EIPR1: variants seen among roughly 807,000 people sequenced by gnomAD.
The protein encoded by EIPR1 is EARP complex and GARP complex interacting protein 1.
EIPR1 carries 25 observed loss-of-function variants against 48.1 expected under a neutral mutation model. That is an observed-to-expected ratio of 0.52 (90% CI 0.38 to 0.73). The LOEUF is 0.73. Ranked by LOEUF, EIPR1 falls within the 30% of genes least tolerant of loss-of-function variation. The pLI is 0.00. For missense variants in EIPR1, 415 were observed against 506.2 expected (o/e 0.82, Z 1.73); for synonymous variants, 204 against 201.9 (o/e 1.01, Z -0.09).
intron 5 of EIPR1, among the ~76,000 whole-genome samples, chr2:3,200,935 G>A (rs1015337666): frequency 3.3e-5 from 5 of 152,208 alleles, no homozygotes; most frequent in African/African-American, 9.6e-5. Context: ...GGAGGTGGCA[G>A]GGCCTGGGCA....
intron 3 of EIPR1, among the ~76,000 whole-genome samples, chr2:3,264,575 AACTG>A (rs1667430423): frequency 6.6e-6 from 1 of 152,238 alleles, no homozygotes; most frequent in African/African-American, 2.4e-5. Flanking sequence ...GAAAAAAGGG[AACTG>A]CAGTGGGTAG....
intron 4 of EIPR1, among the ~76,000 whole-genome samples, chr2:3,223,824 G>A (rs1665975042): frequency 6.6e-6 from 1 of 152,046 alleles, no homozygotes; most frequent in Non-Finnish European, 1.5e-5. Flanking sequence ...TGTGGACAAA[G>A]CCAGAACCAA....
rs2103400220 is a variant in EIPR1 at position 3,377,664 on chromosome 2, T to C, written c.26A>G (p.Tyr9Cys). Residue 9 changes from tyrosine (Y) to cysteine (C), a missense_variant, in exon 1 of 9, where the codon TAC becomes TGC. Tyr to Cys is a radical substitution (Grantham distance 194). Transcript: ENST00000382125. ...GTGACCCACCTGGAACTCCAGCCCGTAGATCACTGGTGCATCGTCCTCCAT... is the reference window on the plus strand; with the variant it reads ...GTGACCCACCTGGAACTCCAGCCCGCAGATCACTGGTGCATCGTCCTCCAT... MEDDAPVIYGLEFQARALT... is the reference protein window; with the variant it reads MEDDAPVICGLEFQARALT... 6.3e-7 allele frequency: 1 copy of C among 1,580,826 alleles called. No individual in the cohort carries two copies. The highest frequency in any genetic ancestry group is 8.6e-7 in the Non-Finnish European group (1 of 1,162,860).
At chr2:3,230,151 A>T (rs200435183) in intron 4 of EIPR1, among the ~76,000 whole-genome samples, 5 of 151,058 alleles carry the variant, frequency 3.3e-5, no homozygotes, top group Admixed American at 3.3e-4. Flanking sequence ...TGAAAATTTT[A>T]TTTTTTTTTA....
At chr2:3,343,513 A>G (rs531065266) in intron 2 of EIPR1, among the ~76,000 whole-genome samples, 48 of 152,290 alleles carry the variant, frequency 3.2e-4, no homozygotes, top group African/African-American at 1.1e-3. Context: ...TTCAAGCCAC[A>G]TTGGATTTTT....
chr2:3,377,016 TC>T (rs1659905786), intron 1 of EIPR1, among the ~76,000 whole-genome samples: 1 of 152,224 alleles, frequency 6.6e-6, no homozygotes. Context: ...GGGGGCTCAT[TC>T]GGTTCATAGT....
intron 2 of EIPR1, chr2:3,353,417 T>G: frequency 9.5e-6 from 4 of 419,118 alleles, no homozygotes; most frequent in Non-Finnish European, 1.9e-5. Flanking sequence ...CATCTAACGA[T>G]TCTTAAGTTG....
intron 3 of EIPR1, among the ~76,000 whole-genome samples, chr2:3,336,566 G>A (rs1032567656): frequency 2.6e-5 from 4 of 152,096 alleles, no homozygotes; most frequent in African/African-American, 7.2e-5. Context: ...TCAAAAGTTC[G>A]AGACCAGCCT....
intron 1 of EIPR1, chr2:3,377,227 AAAG>A (rs1421084938): frequency 9.3e-5 from 16 of 172,146 alleles, no homozygotes; most frequent in Admixed American, 1.9e-4. Flanking sequence ...GGTGGAGGGT[AAAG>A]AAGAACTTTC....
intron 3 of EIPR1, chr2:3,318,744 C>T (rs929061007): frequency 1.4e-5 from 6 of 424,798 alleles, no homozygotes; most frequent in Middle Eastern, 5.9e-4. Flanking sequence ...CCTCACACAC[C>T]GTTCCAAACT....
At chr2:3,257,947 C>A (rs1667213017) in intron 3 of EIPR1, among the ~76,000 whole-genome samples, 3 of 152,178 alleles carry the variant, frequency 2.0e-5, no homozygotes, top group African/African-American at 7.2e-5. Context: ...CTCAGTTTAC[C>A]TAAAGTGATG....
Position 3,297,827 on chromosome 2 carries a change from T to C in EIPR1, c.259+40190A>G, listed in dbSNP as rs560802018. ...AAAAGCTTTGTCTTGCTTCTTTTTT[T>C]GTTCGTTTGTTTGAGATGGAGTCTC... On this transcript the variant is annotated intron_variant, in intron 3 of 8. Transcript: ENST00000382125. Among the ~76,000 whole-genome samples the C allele has an allele frequency of 3.3e-5, 5 of 152,364 alleles. 1 individual carries two copies. In the South Asian group the frequency reaches 1.0e-3, roughly 32 times the overall value.
At chr2:3,295,456 CA>C (rs1256579503) in intron 3 of EIPR1, among the ~76,000 whole-genome samples, 23 of 138,014 alleles carry the variant, frequency 1.7e-4, no homozygotes, top group East Asian at 2.4e-4. Context: ...CCATCCAGCC[CA>C]TCCTCTCTCT....
intron 4 of EIPR1, among the ~76,000 whole-genome samples, chr2:3,230,479 C>T (rs1572331137): frequency 6.6e-6 from 1 of 152,206 alleles, no homozygotes; most frequent in African/African-American, 2.4e-5. Flanking sequence ...TAATCCACCA[C>T]ATGAGGTTAG....
intron 3 of EIPR1, among the ~76,000 whole-genome samples, chr2:3,269,361 TCG>T: frequency 1.5e-5 from 1 of 67,782 alleles, no homozygotes; most frequent in Admixed American, 1.6e-4. Context: ...CACTCAGTCA[TCG>T]CACTCAATCA....
At chr2:3,310,602 G>A (rs541634557) in intron 3 of EIPR1, among the ~76,000 whole-genome samples, 281 of 139,078 alleles carry the variant, frequency 2.0e-3, no homozygotes, top group South Asian at 3.9e-3. Context: ...GCAGTGAGCC[G>A]AGATCCCGCC....
At chr2:3,269,517 A>C (rs1667623199) in intron 3 of EIPR1, among the ~76,000 whole-genome samples, 1 of 40,756 alleles carries the variant, frequency 2.5e-5, no homozygotes, top group Admixed American at 3.0e-4. Context: ...TCATCATCAC[A>C]CTCAATCATC....
intron 3 of EIPR1, among the ~76,000 whole-genome samples, chr2:3,314,934 C>G (rs1015452461): frequency 6.6e-6 from 1 of 151,792 alleles, no homozygotes; most frequent in Non-Finnish European, 1.5e-5. Flanking sequence ...TGAGGCCTCC[C>G]TGGCAAGGCC....
rs546011420 is a variant in EIPR1, at chr2:3,245,520, C to A, written c.416+11779G>T. 5.2e-3 allele frequency among the ~76,000 whole-genome samples: 793 copies of A among 152,326 alleles called. 3 individuals are homozygous for A. Among genetic ancestry groups the A allele is most frequent in the Non-Finnish European group, 8.9e-3 (604 of 68,032 alleles). On this transcript the variant is annotated intron_variant, in intron 4 of 8. Transcript: ENST00000382125. ...AAGCCACCATGCCCAGCCTCATTCC[C>A]CATTTTAAATGGAGACTTTAAACAA...
Sources: allele counts gnomAD v4.1 joint callset (sites outside exome capture counted in the v4.1 genomes callset), GRCh38; gene constraint gnomAD v4.1.1; transcripts MANE v1.5; gene names NCBI Gene and HGNC (gene_info 2026-07-23, HGNC 2026-07-21).